Variants in LRRC4C observed in about 807,000 individuals in gnomAD.
LRRC4C encodes leucine rich repeat containing 4C.
Under a neutral mutation model 33.6 loss-of-function variants are expected in LRRC4C, and 5 were observed. That is an observed-to-expected ratio of 0.15 (90% confidence interval 0.08 to 0.31). LRRC4C has a LOEUF of 0.31. Ranked by LOEUF, LRRC4C falls within the 10% of genes least tolerant of loss-of-function variation. The pLI is 1.00. For synonymous variants in LRRC4C, 329 were observed against 302.0 expected (o/e 1.09, Z -0.93); for missense variants, 560 against 796.7 (o/e 0.70, Z 3.58).
At chr11:40,361,942 A>T (rs1429922244) in intron 3 of LRRC4C, among the ~76,000 whole-genome samples, 1 of 152,130 alleles carries the variant, frequency 6.6e-6, no homozygotes, top group Non-Finnish European at 1.5e-5. Context: ...AGAATAGAGA[A>T]CCCAGAAATA....
At chr11:40,988,593 C>A (rs548870503) in intron 1 of LRRC4C, among the ~76,000 whole-genome samples, 2 of 151,862 alleles carry the variant, frequency 1.3e-5, no homozygotes, top group Non-Finnish European at 2.9e-5. Flanking sequence ...ATTGATACTG[C>A]GGTTATTCTG....
chr11:41,099,368 G>T (rs1480036964), intron 1 of LRRC4C, among the ~76,000 whole-genome samples: 2 of 150,106 alleles, frequency 1.3e-5, no homozygotes, highest in Admixed American at 6.6e-5. Context: ...ACCAAAACCT[G>T]GCAGAGACAT....
At chr11:40,472,614 G>A (rs950452226) in intron 3 of LRRC4C, among the ~76,000 whole-genome samples, 1 of 151,570 alleles carries the variant, frequency 6.6e-6, no homozygotes, top group African/African-American at 2.4e-5. Context: ...TAAGATCAGA[G>A]CAGAACTGAA....
chr11:41,203,535 C>T (rs780668207), intron 1 of LRRC4C, among the ~76,000 whole-genome samples: 7 of 152,086 alleles, frequency 4.6e-5, no homozygotes, highest in Admixed American at 2.0e-4. Flanking sequence ...TCCCTGCATC[C>T]CACATTCTAA....
At chr11:41,278,070 G>A (rs892698218) in intron 1 of LRRC4C, among the ~76,000 whole-genome samples, 3 of 152,024 alleles carry the variant, frequency 2.0e-5, no homozygotes, top group Non-Finnish European at 4.4e-5. Flanking sequence ...GTTGGTCACA[G>A]GATGCATAAT....
chr11:41,141,499 T>C (rs977480035), intron 1 of LRRC4C, among the ~76,000 whole-genome samples: 1 of 152,210 alleles, frequency 6.6e-6, no homozygotes, highest in Non-Finnish European at 1.5e-5. Flanking sequence ...GATAATAGTT[T>C]GGCTCTATGT....
At chr11:40,839,469 C>T (rs1952820261) in intron 2 of LRRC4C, among the ~76,000 whole-genome samples, 2 of 152,124 alleles carry the variant, frequency 1.3e-5, no homozygotes, top group Admixed American at 1.3e-4. Context: ...TGGTCTCGAA[C>T]TGCTGACCTC....
At chr11:41,227,203 C>G (rs969299580) in intron 1 of LRRC4C, among the ~76,000 whole-genome samples, 1 of 151,868 alleles carries the variant, frequency 6.6e-6, no homozygotes, top group Non-Finnish European at 1.5e-5. Flanking sequence ...CACATATTTT[C>G]CCGAAGTACT....
At chr11:41,000,984 T>C (rs1177799226) in intron 1 of LRRC4C, among the ~76,000 whole-genome samples, 1 of 152,154 alleles carries the variant, frequency 6.6e-6, no homozygotes, top group South Asian at 2.1e-4. Flanking sequence ...AAGATTTAAA[T>C]ATATGCCATC....
chr11:40,936,281 A>G (rs906935144), intron 1 of LRRC4C, among the ~76,000 whole-genome samples: 5 of 149,918 alleles, frequency 3.3e-5, no homozygotes, highest in Non-Finnish European at 7.4e-5. Flanking sequence ...GGCCTGAGAA[A>G]TATGTCATAT....
chr11:40,302,705 C>T (rs1944833232), intron 4 of LRRC4C, among the ~76,000 whole-genome samples: 1 of 152,134 alleles, frequency 6.6e-6, no homozygotes, highest in Non-Finnish European at 1.5e-5. Context: ...ATATCAATTT[C>T]AGTGGGTTCT....
intron 1 of LRRC4C, among the ~76,000 whole-genome samples, chr11:41,092,499 A>G (rs1006251483): frequency 6.6e-6 from 1 of 152,210 alleles, no homozygotes; most frequent in Non-Finnish European, 1.5e-5. Flanking sequence ...GGCTAATTGC[A>G]TCAAAAGGCT....
At position 40,916,020 on chromosome 11, in the gene LRRC4C, T is replaced by C. The variant is rs188736402; in HGVS notation, c.-407+17615A>G. Among the ~76,000 whole-genome samples the C allele has an allele frequency of 5.9e-3, 894 of 152,298 alleles. 6 individuals are homozygous for C. Among genetic ancestry groups the C allele is most frequent in the Middle Eastern group, 0.01 (3 of 294 alleles). On this transcript the variant is annotated intron_variant, in intron 2 of 6. Coordinates refer to ENST00000528697, the MANE Select transcript of LRRC4C (RefSeq NM_001258419.2). ...AGATACCAGCTCATACCAGTTAGAATGGCAATCATTAAAAAGTCAGGAAAC... is the reference window on the plus strand; with the variant it reads ...AGATACCAGCTCATACCAGTTAGAACGGCAATCATTAAAAAGTCAGGAAAC...
intron 1 of LRRC4C, among the ~76,000 whole-genome samples, chr11:40,955,190 T>G (rs992386633): frequency 6.6e-6 from 1 of 151,842 alleles, no homozygotes; most frequent in Non-Finnish European, 1.5e-5. Flanking sequence ...TGAAGACTAT[T>G]CAAGGGTCTA....
chr11:40,272,077 A>G (rs2136348312), intron 4 of LRRC4C, among the ~76,000 whole-genome samples: 1 of 152,314 alleles, frequency 6.6e-6, no homozygotes, highest in South Asian at 2.1e-4. Context: ...TTGAACAGAA[A>G]TGAAATACGG....
intron 5 of LRRC4C, among the ~76,000 whole-genome samples, chr11:40,158,467 G>T (rs1192641934): frequency 6.6e-6 from 1 of 151,676 alleles, no homozygotes; most frequent in African/African-American, 2.4e-5. Flanking sequence ...TAATAATTAT[G>T]GTATGCAATT....
At chr11:40,800,905 C>G (rs943137470) in intron 2 of LRRC4C, among the ~76,000 whole-genome samples, 1 of 152,192 alleles carries the variant, frequency 6.6e-6, no homozygotes, top group Non-Finnish European at 1.5e-5. Context: ...TCTCTATTAT[C>G]TGTGAGCTCC....
chr11:41,211,488 T>C lies in LRRC4C; in HGVS notation c.-496+247943A>G, dbSNP rs554683466. 8.3e-3 allele frequency among the ~76,000 whole-genome samples: 1,253 copies of C among 151,708 alleles called. 15 individuals are homozygous for C. The highest frequency in any genetic ancestry group is 0.029 in the African/African-American group (1,198 of 41,352). ...ATGCTATCCCTCCCCCTGCCCCCCATCCCACAACAGGCCCCAGTGTGTGAT... is the reference window on the plus strand; with the variant it reads ...ATGCTATCCCTCCCCCTGCCCCCCACCCCACAACAGGCCCCAGTGTGTGAT... On this transcript the variant is annotated intron_variant, in intron 1 of 6. Coordinates refer to ENST00000528697, the MANE Select transcript of LRRC4C (RefSeq NM_001258419.2).
intron 1 of LRRC4C, among the ~76,000 whole-genome samples, chr11:41,309,225 G>A (rs1378239760): frequency 6.6e-6 from 1 of 152,192 alleles, no homozygotes; most frequent in African/African-American, 2.4e-5. Context: ...ATGATAGTGG[G>A]GGGTGGGAGT....
Sources: allele counts gnomAD v4.1 joint callset (sites outside exome capture counted in the v4.1 genomes callset), GRCh38; gene constraint gnomAD v4.1.1; transcripts MANE v1.5; gene names NCBI Gene and HGNC (gene_info 2026-07-23, HGNC 2026-07-21).